The following AGAP6 variants were observed in gnomAD, a reference collection of about 807,000 sequenced individuals.
AGAP6 encodes the protein arf-GAP with GTPase, ANK repeat and PH domain-containing protein 6.
A neutral mutation model predicts 63.9 loss-of-function variants in AGAP6; 29 were observed. The observed-to-expected ratio is 0.45, with a 90% confidence interval of 0.34 to 0.62. AGAP6 has a LOEUF of 0.62. AGAP6 is among the 20% of genes least tolerant of loss of function. The pLI, the probability that AGAP6 is intolerant of heterozygous loss-of-function variation, is 0.01. For missense variants in AGAP6, 493 were observed against 884.9 expected (o/e 0.56, Z 5.62); for synonymous variants, 199 against 332.9 (o/e 0.60, Z 4.38).
intron 3 of AGAP6, among the ~76,000 whole-genome samples, chr10:49,993,311 A>G (rs1554861389): frequency 6.6e-6 from 1 of 152,168 alleles, no homozygotes; most frequent in African/African-American, 2.4e-5. Flanking sequence ...AAGCAGTAAA[A>G]GAAAAGCTAT....
In AGAP6 at chr10:49,995,191, G is replaced by A. The variant is rs1369906113; in HGVS notation, c.396+762G>A. Among the ~76,000 whole-genome samples the A allele has an allele frequency of 2.0e-5, 3 of 152,022 alleles. No homozygotes were observed. In the South Asian group the frequency reaches 6.2e-4, roughly 32 times the overall value. On this transcript the variant is annotated intron_variant, in intron 4 of 7. Transcript: ENST00000412531. ...GTAATATTTACATGATTATGACTCT[G>A]CAAATATTATTCACTGCTAAGTCAT...
chr10:49,999,753 T>C (rs1327723017), intron 4 of AGAP6, among the ~76,000 whole-genome samples: 1 of 133,702 alleles, frequency 7.5e-6, no homozygotes, highest in Non-Finnish European at 1.6e-5. Flanking sequence ...AACCGATAAA[T>C]GAATTCAGCA....
At chr10:49,995,535 T>A (rs1384131552) in intron 4 of AGAP6, among the ~76,000 whole-genome samples, 1 of 152,148 alleles carries the variant, frequency 6.6e-6, no homozygotes, top group South Asian at 2.1e-4. Flanking sequence ...TTTCTTTTTA[T>A]GTGTGTGTGT....
At chr10:50,006,597 G>A (rs538523982) in intron 6 of AGAP6, among the ~76,000 whole-genome samples, 12 of 152,280 alleles carry the variant, frequency 7.9e-5, no homozygotes, top group East Asian at 7.7e-4. Flanking sequence ...GGCTGGTCTC[G>A]AACTCCCGAA....
In AGAP6 at chr10:49,990,190, G is replaced by A. The variant is rs570755097; in HGVS notation, c.292+814G>A. Among the ~76,000 whole-genome samples the A allele has an allele frequency of 3.9e-3, 599 of 152,302 alleles. 3 individuals carry two copies. The highest frequency in any genetic ancestry group is 0.014 in the African/African-American group (582 of 41,560). On this transcript the variant is annotated intron_variant, in intron 2 of 7. Coordinates refer to ENST00000412531, the MANE Select transcript of AGAP6 (RefSeq NM_001077665.3). ...TTGGTGGCTCACGCCTGTAATCCCAGCACTTTGGGAGGCTGTGGCAGGCAG... is the reference window on the plus strand; with the variant it reads ...TTGGTGGCTCACGCCTGTAATCCCAACACTTTGGGAGGCTGTGGCAGGCAG...
At chr10:49,994,511 G>C (rs1554861630) in intron 4 of AGAP6, 82 bp downstream of exon 4, 1 of 1,457,902 alleles carries the variant, frequency 6.9e-7, no homozygotes, top group Non-Finnish European at 9.2e-7. Context: ...ATTACAATGT[G>C]GACCTGGTGG....
intron 2 of AGAP6, among the ~76,000 whole-genome samples, chr10:49,990,293 A>G (rs1841217324): frequency 6.6e-6 from 1 of 152,110 alleles, no homozygotes; most frequent in African/African-American, 2.4e-5. Context: ...AAAAATACAA[A>G]AATTAGCTGG....
chr10:49,990,525 A>G (rs1554860629), intron 2 of AGAP6, among the ~76,000 whole-genome samples: 1 of 152,264 alleles, frequency 6.6e-6, no homozygotes. Flanking sequence ...GCCGGTAGAA[A>G]AGAGAAAACA....
At chr10:49,995,307 A>ATCT (rs2132128654) in intron 4 of AGAP6, among the ~76,000 whole-genome samples, 1 of 152,124 alleles carries the variant, frequency 6.6e-6, no homozygotes, top group African/African-American at 2.4e-5. Context: ...ATTCTCCTGG[A>ATCT]TCTTCTTTTT....
chr10:49,989,394 G>C lies in AGAP6; in HGVS notation c.292+18G>C, dbSNP rs782105342. ...AACAGAAGGTGAGACAACAGTGTCT[G>C]TAGCTCTATTTATTATCCTGTGGTA... is the stretch of plus-strand genomic sequence containing the variant. On this transcript the variant is annotated intron_variant, in intron 2 of 7. Transcript: ENST00000412531. 1.4e-5 allele frequency: 22 copies of C among 1,597,302 alleles called. No individual in the cohort carries two copies. In the African/African-American group the frequency reaches 2.4e-4, roughly 17 times the overall value.
At chr10:50,007,127 C>G (rs1341908150) in intron 6 of AGAP6, among the ~76,000 whole-genome samples, 1 of 152,004 alleles carries the variant, frequency 6.6e-6, no homozygotes, top group Non-Finnish European at 1.5e-5. Flanking sequence ...CACAGTGGCT[C>G]AGGCCTGTAA....
At chr10:49,994,113 T>G (rs2132125516) in intron 3 of AGAP6, among the ~76,000 whole-genome samples, 1 of 152,204 alleles carries the variant, frequency 6.6e-6, no homozygotes. Context: ...TTAGCTAAAT[T>G]TTTCATCTGG....
chr10:49,999,288 G>A (rs1841606931), intron 4 of AGAP6, among the ~76,000 whole-genome samples: 1 of 134,018 alleles, frequency 7.5e-6, no homozygotes, highest in African/African-American at 2.9e-5. Flanking sequence ...TTCATACCAG[G>A]GATGCAGGGA....
intron 4 of AGAP6, among the ~76,000 whole-genome samples, chr10:49,995,473 G>A (rs1183296153): frequency 3.3e-5 from 5 of 152,102 alleles, no homozygotes; most frequent in African/African-American, 1.2e-4. Flanking sequence ...AAGTATTGTA[G>A]CATTTATCAC....
At chr10:49,990,301 T>G (rs556555229) in intron 2 of AGAP6, among the ~76,000 whole-genome samples, 1 of 151,516 alleles carries the variant, frequency 6.6e-6, no homozygotes, top group African/African-American at 2.4e-5. Context: ...AAAAATTAGC[T>G]GGGCGTAGTG....
At chr10:49,991,609 A>G in intron 2 of AGAP6, 67 bp from the exon 3 acceptor site, 1 of 1,590,600 alleles carries the variant, frequency 6.3e-7, no homozygotes, top group South Asian at 1.1e-5. Flanking sequence ...CAGCAGTCGA[A>G]TAAACGAGTT....
chr10:49,990,168 G>T (rs1403133040), intron 2 of AGAP6, among the ~76,000 whole-genome samples: 10 of 152,176 alleles, frequency 6.6e-5, no homozygotes, highest in South Asian at 6.2e-4. Flanking sequence ...GCTGGGCTTG[G>T]TGGCTCACGC....
chr10:50,004,860 T>C (rs1841853048), intron 6 of AGAP6, 140 bp downstream of exon 6: 1 of 1,151,394 alleles, frequency 8.7e-7, no homozygotes, highest in Non-Finnish European at 1.2e-6. Flanking sequence ...TGTATTTTCT[T>C]TGTTCCTTAA....
At chr10:49,991,580 T>G in intron 2 of AGAP6, 96 bp from the exon 3 acceptor site, 1 of 1,497,536 alleles carries the variant, frequency 6.7e-7, no homozygotes, top group Non-Finnish European at 9.1e-7. Flanking sequence ...AAAGTAGAGA[T>G]AGTGAAATAG....
Sources: gnomAD v4.1 joint callset for allele counts (sites outside exome capture counted in the v4.1 genomes callset) on GRCh38, gnomAD v4.1.1 for gene constraint, MANE v1.5 for transcripts, NCBI Gene and HGNC (gene_info 2026-07-23, HGNC 2026-07-21) for gene names.